The following AFF3 variants were observed in gnomAD, a reference collection of about 807,000 sequenced individuals.
AFF3 encodes the protein AF4/FMR2 family member 3.
A neutral mutation model predicts 129.7 loss-of-function variants in AFF3; 32 were observed. The observed-to-expected ratio is 0.25, with a 90% CI of 0.19 to 0.33. The LOEUF is 0.33. AFF3 is among the 10% of genes least tolerant of loss of function. The probability of loss-of-function intolerance (pLI) is 1.00; values close to 1 mark genes in which losing one functional copy is unlikely to be tolerated. For synonymous variants in AFF3, 644 were observed against 635.4 expected, an observed-to-expected ratio of 1.01 and a Z score of -0.20; for missense variants, 1,373 against 1,592.0, an observed-to-expected ratio of 0.86 and a Z score of 2.34.
intron 11 of AFF3, among the ~76,000 whole-genome samples, chr2:99,683,907 T>C (rs1674779080): frequency 6.6e-6 from 1 of 152,198 alleles, no homozygotes; most frequent in Admixed American, 6.5e-5. Flanking sequence ...CAGATGACCA[T>C]CTTTTTTCCT....
chr2:99,740,876 A>G (rs1680665482), intron 10 of AFF3, among the ~76,000 whole-genome samples: 1 of 152,206 alleles, frequency 6.6e-6, no homozygotes. Flanking sequence ...AGTCCTTGCC[A>G]ATGCCTATGT....
intron 11 of AFF3, among the ~76,000 whole-genome samples, chr2:99,673,365 G>A (rs1008326582): frequency 4.6e-5 from 7 of 152,034 alleles, no homozygotes; most frequent in African/African-American, 1.2e-4. Flanking sequence ...AGCCCACCCA[G>A]GTCCCCCCAT....
At chr2:99,639,222 A>C (rs1388447414) in intron 13 of AFF3, among the ~76,000 whole-genome samples, 2 of 152,200 alleles carry the variant, frequency 1.3e-5, no homozygotes, top group Admixed American at 1.3e-4. Flanking sequence ...TATGTACCTG[A>C]TAGAACTCAA....
chr2:100,123,790 C>T (rs190412080), intron 2 of AFF3, among the ~76,000 whole-genome samples: 11 of 152,152 alleles, frequency 7.2e-5, no homozygotes, highest in African/African-American at 2.2e-4. Flanking sequence ...ACAGTAAGCA[C>T]GTGAAACACA....
intron 3 of AFF3, chr2:100,104,787 C>CCCG (rs1458414580): frequency 1.2e-6 from 1 of 819,226 alleles, no homozygotes; most frequent in Non-Finnish European, 1.4e-6. Flanking sequence ...GGCGGCCCGG[C>CCCG]CCGCTGCTGC....
At chr2:99,906,643 G>C (rs182282140) in intron 7 of AFF3, among the ~76,000 whole-genome samples, 133 of 152,226 alleles carry the variant, frequency 8.7e-4, no homozygotes, top group African/African-American at 3.1e-3. Flanking sequence ...CAGTTAAAAG[G>C]TTCTAAGGGC....
At chr2:100,035,474 A>G (rs1684823674) in intron 4 of AFF3, among the ~76,000 whole-genome samples, 1 of 152,188 alleles carries the variant, frequency 6.6e-6, no homozygotes, top group African/African-American at 2.4e-5. Context: ...AAGACCATCA[A>G]ATTCTTATAG....
At chr2:99,926,398 C>A (rs1290046343) in intron 7 of AFF3, among the ~76,000 whole-genome samples, 3 of 152,192 alleles carry the variant, frequency 2.0e-5, no homozygotes, top group Non-Finnish European at 4.4e-5. Context: ...TTACGCTTCT[C>A]ATTTCTCTGC....
chr2:100,062,945 T>C (rs1687414512), intron 4 of AFF3, among the ~76,000 whole-genome samples: 1 of 151,862 alleles, frequency 6.6e-6, no homozygotes, highest in African/African-American at 2.4e-5. Flanking sequence ...AAGTAACAAG[T>C]GACTATCAAA....
intron 13 of AFF3, among the ~76,000 whole-genome samples, chr2:99,625,630 C>T (rs187330856): frequency 1.2e-4 from 18 of 152,030 alleles, no homozygotes; most frequent in Admixed American, 9.2e-4. Flanking sequence ...AAATGACAAG[C>T]GAGAGGATTA....
At chr2:99,697,142 T>A (rs75274813) in intron 11 of AFF3, among the ~76,000 whole-genome samples, 7,404 of 152,280 alleles carry the variant, frequency 0.049, 313 homozygotes, top group Non-Finnish European at 0.068. Context: ...TCCACCTAGC[T>A]CTTGATAAGC....
chr2:100,066,336 G>T (rs1256141651), intron 4 of AFF3, among the ~76,000 whole-genome samples: 1 of 152,086 alleles, frequency 6.6e-6, no homozygotes, highest in Non-Finnish European at 1.5e-5. Flanking sequence ...TGGAGGAAGG[G>T]GTGGTATCTG....
chr2:99,927,955 A>G (rs370405389), intron 7 of AFF3, among the ~76,000 whole-genome samples: 6 of 152,128 alleles, frequency 3.9e-5, no homozygotes, highest in Non-Finnish European at 7.4e-5. Context: ...TGCTGTTCTC[A>G]TGATAGTGCA....
intron 7 of AFF3, among the ~76,000 whole-genome samples, chr2:99,994,774 G>A (rs932244751): frequency 6.6e-6 from 1 of 152,176 alleles, no homozygotes; most frequent in Non-Finnish European, 1.5e-5. Context: ...TATATGCTAT[G>A]CTTGAACTCA....
chr2:99,573,239 T>C (rs1676672603), intron 18 of AFF3, among the ~76,000 whole-genome samples: 1 of 151,732 alleles, frequency 6.6e-6, no homozygotes, highest in Non-Finnish European at 1.5e-5. Context: ...CCCGCACCCC[T>C]TTGCAAATCC....
At chr2:99,679,156 T>C (rs985409833) in intron 11 of AFF3, among the ~76,000 whole-genome samples, 2 of 152,124 alleles carry the variant, frequency 1.3e-5, no homozygotes, top group African/African-American at 4.8e-5. Context: ...CTCTGATGTT[T>C]TAAAACCCAG....
At chr2:99,773,549 G>T (rs1445631145) in intron 8 of AFF3, among the ~76,000 whole-genome samples, 6 of 144,374 alleles carry the variant, frequency 4.2e-5, no homozygotes, top group Non-Finnish European at 9.1e-5. Context: ...GGGGGTGGAG[G>T]TTGGTGTGAT....
intron 8 of AFF3, among the ~76,000 whole-genome samples, chr2:99,813,148 T>G (rs986668077): frequency 4.7e-5 from 7 of 149,824 alleles, no homozygotes; most frequent in Non-Finnish European, 1.0e-4. Flanking sequence ...TCCAAGGACA[T>G]CAGTAGGTAC....
At chr2:100,035,338 C>G (rs1013921510) in intron 4 of AFF3, among the ~76,000 whole-genome samples, 3 of 152,212 alleles carry the variant, frequency 2.0e-5, no homozygotes, top group African/African-American at 7.2e-5. Flanking sequence ...ACACTTGTCC[C>G]TATCCAAGAA....
Sources: gnomAD v4.1 joint callset for allele counts (sites outside exome capture counted in the v4.1 genomes callset) on GRCh38, gnomAD v4.1.1 for gene constraint, MANE v1.5 for transcripts, NCBI Gene and HGNC (gene_info 2026-07-23, HGNC 2026-07-21) for gene names.